The following GALNTL6 variants were observed in gnomAD, a reference collection of about 807,000 sequenced individuals.
GALNTL6 encodes polypeptide N-acetylgalactosaminyltransferase like 6.
In GALNTL6, 46 loss-of-function variants were observed where a neutral mutation model predicts 73.7. The observed-to-expected ratio is 0.62, with a 90% CI of 0.49 to 0.80. The LOEUF is 0.80. Ranked by LOEUF, GALNTL6 falls within the 30% of genes least tolerant of loss-of-function variation. GALNTL6 has a pLI of 0.00. For synonymous variants in GALNTL6, 259 were observed against 263.7 expected, an observed-to-expected ratio of 0.98 and a Z score of 0.17; for missense variants, 604 against 755.0, an observed-to-expected ratio of 0.80 and a Z score of 2.34.
At chr4:172,792,202 C>T (rs112754013) in intron 5 of GALNTL6, among the ~76,000 whole-genome samples, 8 of 151,994 alleles carry the variant, frequency 5.3e-5, no homozygotes, top group African/African-American at 1.7e-4. Flanking sequence ...ACAAAATGAG[C>T]GCAAATAAAT....
chr4:172,338,565 A>G (rs1414690875), intron 4 of GALNTL6, among the ~76,000 whole-genome samples: 1 of 151,816 alleles, frequency 6.6e-6, no homozygotes, highest in Non-Finnish European at 1.5e-5. Context: ...GGGTGGTTTT[A>G]TATTGGGCCA....
intron 5 of GALNTL6, among the ~76,000 whole-genome samples, chr4:172,395,264 T>C (rs1368941180): frequency 6.7e-6 from 1 of 150,104 alleles, no homozygotes; most frequent in Non-Finnish European, 1.5e-5. Flanking sequence ...TAAACATGCC[T>C]TGTAGCTTAA....
At chr4:172,297,815 G>C (rs1739740561) in intron 3 of GALNTL6, among the ~76,000 whole-genome samples, 1 of 152,074 alleles carries the variant, frequency 6.6e-6, no homozygotes, top group South Asian at 2.1e-4. Context: ...TTTTGGCTTA[G>C]GATTGACTTG....
chr4:172,333,417 A>T (rs929290357), intron 4 of GALNTL6, among the ~76,000 whole-genome samples: 1 of 152,184 alleles, frequency 6.6e-6, no homozygotes, highest in Non-Finnish European at 1.5e-5. Flanking sequence ...AAAGAAAAAA[A>T]TAAAAACAAA....
chr4:172,732,327 T>C (rs1736198897), intron 5 of GALNTL6, among the ~76,000 whole-genome samples: 1 of 152,182 alleles, frequency 6.6e-6, no homozygotes, highest in African/African-American at 2.4e-5. Flanking sequence ...TTGTGTAGTC[T>C]ATTTCATATA....
chr4:172,240,261 T>C (rs1355837380), intron 3 of GALNTL6, among the ~76,000 whole-genome samples: 1 of 152,192 alleles, frequency 6.6e-6, no homozygotes, highest in Non-Finnish European at 1.5e-5. Context: ...TCTCACTCTG[T>C]CGCCCAAGCT....
intron 8 of GALNTL6, among the ~76,000 whole-genome samples, chr4:172,892,857 C>A (rs1746112964): frequency 6.6e-6 from 1 of 152,194 alleles, no homozygotes; most frequent in East Asian, 1.9e-4. Context: ...CCCTCAGGGG[C>A]AGCCCAAGGC....
chr4:172,694,692 G>T (rs56861031), intron 5 of GALNTL6, among the ~76,000 whole-genome samples: 2,057 of 152,306 alleles, frequency 0.014, 45 homozygotes, highest in African/African-American at 0.046. Flanking sequence ...GAGGAAAGTA[G>T]GGTTATTTCC....
chr4:172,664,222 C>A (rs1205161201), intron 5 of GALNTL6, among the ~76,000 whole-genome samples: 1 of 152,144 alleles, frequency 6.6e-6, no homozygotes, highest in Non-Finnish European at 1.5e-5. Flanking sequence ...TGACTCCATC[C>A]TCTAAGATGT....
intron 8 of GALNTL6, among the ~76,000 whole-genome samples, chr4:172,911,945 C>G (rs1193063077): frequency 2.0e-5 from 3 of 152,180 alleles, no homozygotes; most frequent in Non-Finnish European, 4.4e-5. Flanking sequence ...GTCAATTTGA[C>G]TTCCTATAGA....
intron 2 of GALNTL6, among the ~76,000 whole-genome samples, chr4:172,058,294 C>T (rs1034000774): frequency 6.6e-6 from 1 of 152,024 alleles, no homozygotes; most frequent in African/African-American, 2.4e-5. Context: ...CTAGTCTCAC[C>T]TTCTAAATAT....
intron 7 of GALNTL6, among the ~76,000 whole-genome samples, chr4:172,839,044 C>A (rs1308165059): frequency 6.6e-6 from 1 of 152,128 alleles, no homozygotes; most frequent in African/African-American, 2.4e-5. Context: ...GGTAGTCATT[C>A]CAGGTTGTCA....
At chr4:172,443,059 C>CATGGAAACTT (rs1396401922) in intron 5 of GALNTL6, among the ~76,000 whole-genome samples, 2 of 136,732 alleles carry the variant, frequency 1.5e-5, no homozygotes, top group Non-Finnish European at 3.1e-5. Context: ...TTATGTTCAA[C>CATGGAAACTT]ATGGAAACTT....
chr4:172,029,153 A>G (rs1284209913), intron 2 of GALNTL6, among the ~76,000 whole-genome samples: 2 of 151,980 alleles, frequency 1.3e-5, no homozygotes, highest in Non-Finnish European at 2.9e-5. Flanking sequence ...CTTTTTGACC[A>G]TATTTGGAAC....
At chr4:171,935,714 T>C (rs1560848437) in intron 2 of GALNTL6, among the ~76,000 whole-genome samples, 1 of 152,178 alleles carries the variant, frequency 6.6e-6, no homozygotes, top group Non-Finnish European at 1.5e-5. Flanking sequence ...TTTTACCACA[T>C]GCATCAGCCT....
intron 2 of GALNTL6, among the ~76,000 whole-genome samples, chr4:172,021,133 A>G (rs1461331131): frequency 1.3e-5 from 2 of 151,910 alleles, no homozygotes; most frequent in Non-Finnish European, 2.9e-5. Context: ...AGCTGGGTGT[A>G]GAAGGAACAT....
intron 5 of GALNTL6, among the ~76,000 whole-genome samples, chr4:172,723,641 G>A (rs1735621388): frequency 6.6e-6 from 1 of 151,948 alleles, no homozygotes; most frequent in Non-Finnish European, 1.5e-5. Flanking sequence ...CTAATGTGTT[G>A]CATCAACTCT....
chr4:172,515,358 T>A (rs1378362609), intron 5 of GALNTL6, among the ~76,000 whole-genome samples: 1 of 152,232 alleles, frequency 6.6e-6, no homozygotes, highest in African/African-American at 2.4e-5. Context: ...ATCCTGTACT[T>A]GACCCACCAG....
intron 2 of GALNTL6, among the ~76,000 whole-genome samples, chr4:172,085,127 A>G (rs774478830): frequency 2.0e-5 from 3 of 152,224 alleles, no homozygotes; most frequent in Non-Finnish European, 4.4e-5. Context: ...ATAGTAATCA[A>G]TGATAACAGC....
Sources: allele counts gnomAD v4.1 joint callset (sites outside exome capture counted in the v4.1 genomes callset), GRCh38; gene constraint gnomAD v4.1.1; transcripts MANE v1.5; gene names NCBI Gene and HGNC (gene_info 2026-07-23, HGNC 2026-07-21).